The following EFEMP1 variants were observed in gnomAD, a reference collection of about 807,000 sequenced individuals.
The protein encoded by EFEMP1 is EGF-containing fibulin-like extracellular matrix protein 1.
EFEMP1 carries 18 observed loss-of-function variants against 65.7 expected under a neutral mutation model. The observed-to-expected ratio is 0.27, with a 90% CI of 0.19 to 0.41. The LOEUF is 0.41. Ranked by LOEUF, EFEMP1 falls within the 10% of genes least tolerant of loss-of-function variation. EFEMP1 has a pLI of 1.00. For synonymous variants in EFEMP1, 237 were observed against 219.7 expected (o/e 1.08, Z -0.70); for missense variants, 469 against 624.8 (o/e 0.75, Z 2.66).
chr2:55,891,161 A>C (rs1310736791), intron 5 of EFEMP1, among the ~76,000 whole-genome samples: 1 of 152,066 alleles, frequency 6.6e-6, no homozygotes, highest in African/African-American at 2.4e-5. Flanking sequence ...AAATGGCTAG[A>C]AATGCAAGAA....
chr2:55,879,331 C>T (rs184565673), intron 6 of EFEMP1, among the ~76,000 whole-genome samples: 4 of 152,280 alleles, frequency 2.6e-5, no homozygotes. Context: ...GCTTCCTAGT[C>T]CTCAGTACTA....
chr2:55,904,966 C>CTTTTTTTTTT lies in EFEMP1; in HGVS notation c.517+12689_517+12698dup, dbSNP rs796758221. Among the ~76,000 whole-genome samples the CTTTTTTTTTT allele has an allele frequency of 1.2e-3, 88 of 70,544 alleles. 3 individuals carry two copies. The highest frequency in any genetic ancestry group is 7.7e-3 in the African/African-American group (78 of 10,096). 46.3% of individuals were successfully genotyped at this position (70,544 alleles called of 152,430 possible). On this transcript the variant is annotated intron_variant, in intron 5 of 11. Coordinates refer to ENST00000355426, the MANE Select transcript of EFEMP1 (RefSeq NM_001039348.3). ...TTTCTTCTCTTCTAAGGGATAGTGGCTTTTTTTTTTTTCTTTTTCTTTTTT... is the reference window on the plus strand; with the variant it reads ...TTTCTTCTCTTCTAAGGGATAGTGGCTTTTTTTTTTTTTTTTTTTTTTCTTTTTCTTTTTT...
intron 5 of EFEMP1, among the ~76,000 whole-genome samples, chr2:55,915,498 G>A (rs1016642661): frequency 1.3e-5 from 2 of 152,278 alleles, no homozygotes; most frequent in Admixed American, 6.5e-5. Context: ...ACCAATACAT[G>A]TTGTAAGTCT....
intron 9 of EFEMP1, among the ~76,000 whole-genome samples, chr2:55,874,461 T>C (rs1224068654): frequency 6.6e-6 from 1 of 152,114 alleles, no homozygotes; most frequent in Non-Finnish European, 1.5e-5. Flanking sequence ...TTGGGGCTAG[T>C]AGTTTTCTCT....
At chr2:55,911,717 G>C (rs1344374776) in intron 5 of EFEMP1, among the ~76,000 whole-genome samples, 1 of 152,014 alleles carries the variant, frequency 6.6e-6, no homozygotes, top group Admixed American at 6.6e-5. Flanking sequence ...ACTGAATTAG[G>C]GAGGTGTGTA....
rs1056685142 is a variant in EFEMP1 at position 55,917,734 on chromosome 2, G to T, written c.448C>A (p.Pro150Thr). 2 of 1,614,084 alleles carry T rather than the reference G, an allele frequency of 1.2e-6. No homozygotes were observed. Among genetic ancestry groups the T allele is most frequent in the Non-Finnish European group, 1.7e-6 (2 of 1,180,038 alleles). ...TGGATACGGTGGGAAGGGTTGGAGG[G>T]AATGCGCTGAGGGTCAGCTGGGTTC... Reference protein sequence around the residue: ...RRNPADPQRIPSNPSHRIQCA... With the variant: ...RRNPADPQRITSNPSHRIQCA... Residue 150 changes from proline (P) to threonine (T), a missense_variant, in exon 5 of 12, where the codon CCC (proline) becomes ACC (threonine). Pro to Thr is a conservative substitution (Grantham distance 38). Around this residue, in one of 3 missense-constraint regions of EFEMP1, gnomAD observed 399 missense variants for 528.2 expected, o/e 0.76. Coordinates refer to ENST00000355426, the MANE Select transcript of EFEMP1 (RefSeq NM_001039348.3). The surrounding 1 kb of genome is among the most constrained non-coding windows in gnomAD (Gnocchi z 6.3).
In EFEMP1 at chr2:55,922,887, C is replaced by A; in HGVS notation, c.-8+12G>T. On this transcript the variant is annotated intron_variant, in intron 2 of 11. Transcript: ENST00000355426. The surrounding 1 kb of genome is among the most constrained non-coding windows in gnomAD (Gnocchi z 5.5). ...GTTCTCTAGAACGTTAAGGCTTTCCCAGTATACTCACCTTGAGCTAGCAGA... is the reference window on the plus strand; with the variant it reads ...GTTCTCTAGAACGTTAAGGCTTTCCAAGTATACTCACCTTGAGCTAGCAGA... The A allele has an allele frequency of 8.9e-7, 1 of 1,127,128 alleles. No individual in the cohort carries two copies. The highest frequency in any genetic ancestry group is 1.1e-6 in the Non-Finnish European group (1 of 911,592). 69.8% of individuals were successfully genotyped at this position (1,127,128 alleles called of 1,614,324 possible).
chr2:55,902,042 T>C (rs1371882769), intron 5 of EFEMP1, among the ~76,000 whole-genome samples: 1 of 152,198 alleles, frequency 6.6e-6, no homozygotes, highest in Non-Finnish European at 1.5e-5. Flanking sequence ...CAGTCGAGCT[T>C]TGAATGAGCT....
intron 5 of EFEMP1, among the ~76,000 whole-genome samples, chr2:55,887,207 G>A (rs1180600506): frequency 6.6e-6 from 1 of 152,168 alleles, no homozygotes; most frequent in Non-Finnish European, 1.5e-5. Flanking sequence ...GGGTCACACA[G>A]AGCAGAGATT....
intron 5 of EFEMP1, among the ~76,000 whole-genome samples, chr2:55,887,880 G>C (rs551169872): frequency 1.3e-5 from 2 of 152,274 alleles, no homozygotes; most frequent in Non-Finnish European, 2.9e-5. Flanking sequence ...ACAATATGCT[G>C]TTCTCATAGG....
intron 5 of EFEMP1, among the ~76,000 whole-genome samples, chr2:55,887,784 T>C (rs917010010): frequency 1.8e-4 from 28 of 152,218 alleles, no homozygotes; most frequent in Non-Finnish European, 8.8e-5. Flanking sequence ...TCAGCCTCCC[T>C]GATAGTTCAT....
At chr2:55,887,796 T>C (rs1013613802) in intron 5 of EFEMP1, among the ~76,000 whole-genome samples, 5 of 152,190 alleles carry the variant, frequency 3.3e-5, no homozygotes, top group African/African-American at 7.2e-5. Flanking sequence ...ATAGTTCATT[T>C]CTTTGTTTTA....
chr2:55,877,788 T>G lies in EFEMP1; in HGVS notation c.718A>C (p.Ser240Arg), dbSNP rs576613499. 5.8e-5 allele frequency: 94 copies of G among 1,613,274 alleles called. 1 individual carries two copies. Among genetic ancestry groups the G allele is most frequent in the Non-Finnish European group, 8.5e-7 (1 of 1,179,384 alleles). Reference sequence around the variant, plus strand: ...TTTGCTGCCAATTGAAACCCAGGACTGCACTGGCAATAAAATGAGCCTGGT... The same window carrying G: ...TTTGCTGCCAATTGAAACCCAGGACGGCACTGGCAATAAAATGAGCCTGGT... ...NTPGSFYCQCSPGFQLAANNY... is the reference protein window; with the variant it reads ...NTPGSFYCQCRPGFQLAANNY... Residue 240 changes from serine to arginine, a missense_variant, in exon 7 of 12, where the codon AGT becomes CGT. By Grantham distance (110) the Ser-to-Arg change is moderately radical. This residue lies in a region of EFEMP1 where 399 missense variants were observed against 528.2 expected (regional missense o/e 0.76). Coordinates refer to ENST00000355426, the MANE Select transcript of EFEMP1 (RefSeq NM_001039348.3). This position sits in a 1 kb window ranked among gnomAD's most constrained non-coding sequence, Gnocchi z 4.5.
chr2:55,922,565 C>A lies in EFEMP1; in HGVS notation c.-7-118G>T. The A allele has an allele frequency of 3.3e-6, 3 of 916,018 alleles. No homozygotes were observed. The highest frequency in any genetic ancestry group is 5.3e-6 in the Non-Finnish European group (3 of 571,150). 56.7% of individuals were successfully genotyped at this position (916,018 alleles called of 1,614,324 possible). A position where few individuals can be genotyped will look rare whatever the true frequency, so the allele number is the denominator to read the frequency against. ...TGGGAGAGGCTGAGGCTCCACCATA[C>A]TCAACTTCCAATCTGCTTTCTCATC... On this transcript the variant is annotated intron_variant, in intron 2 of 11. Coordinates refer to ENST00000355426, the MANE Select transcript of EFEMP1 (RefSeq NM_001039348.3). This position sits in a 1 kb window ranked among gnomAD's most constrained non-coding sequence, Gnocchi z 5.5.
chr2:55,900,749 T>G (rs1475140307), intron 5 of EFEMP1, among the ~76,000 whole-genome samples: 7 of 152,228 alleles, frequency 4.6e-5, no homozygotes, highest in Admixed American at 4.6e-4. Context: ...TGTCCCTTCA[T>G]GCCACCATCT....
intron 5 of EFEMP1, among the ~76,000 whole-genome samples, chr2:55,914,341 C>G (rs548592419): frequency 6.6e-6 from 1 of 152,260 alleles, no homozygotes; most frequent in African/African-American, 2.4e-5. Flanking sequence ...GTGACCTGAT[C>G]TTTGAATGTT....
chr2:55,922,461 C>G lies in EFEMP1; in HGVS notation c.-7-14G>C, dbSNP rs745522486. 2.5e-6 allele frequency: 4 copies of G among 1,609,574 alleles called. No homozygotes were observed. The highest frequency in any genetic ancestry group is 3.4e-6 in the Non-Finnish European group (4 of 1,176,324). On this transcript the variant is annotated splice_polypyrimidine_tract_variant and intron_variant, in intron 2 of 11. Transcript: ENST00000355426. This position sits in a 1 kb window ranked among gnomAD's most constrained non-coding sequence, Gnocchi z 5.5. ...AACATTGTGAATCTCAAAGAAAATA[C>G]AGGACAAACTAATGTTTAGTATCTG... is the stretch of plus-strand genomic sequence containing the variant.
chr2:55,875,417 T>C (rs17047281), intron 8 of EFEMP1, among the ~76,000 whole-genome samples: 6,457 of 151,482 alleles, frequency 0.043, 457 homozygotes, highest in African/African-American at 0.15. Flanking sequence ...AATACACTTT[T>C]GAGGTGAGCT....
intron 5 of EFEMP1, among the ~76,000 whole-genome samples, chr2:55,894,871 CACGTGGCT>C (rs1669756072): frequency 1.3e-5 from 2 of 152,194 alleles, no homozygotes; most frequent in African/African-American, 4.8e-5. Flanking sequence ...GGTGATGAAT[CACGTGGCT>C]AGGCTGACTC....
Sources: gnomAD v4.1 joint callset for allele counts (sites outside exome capture counted in the v4.1 genomes callset) on GRCh38, gnomAD v4.1.1 for gene constraint, gnomAD v4.1.1 regional missense constraint, Gnocchi (gnomAD v3.1) non-coding constraint, MANE v1.5 for transcripts, NCBI Gene and HGNC (gene_info 2026-07-23, HGNC 2026-07-21) for gene names.